BOD1L1: variants seen among roughly 807,000 people sequenced by gnomAD.
BOD1L1 encodes biorientation of chromosomes in cell division 1 like 1, also known as biorientation of chromosomes in cell division protein 1-like 1.
A neutral mutation model predicts 240.7 loss-of-function variants in BOD1L1; 86 were observed. The observed-to-expected ratio is 0.36, with a 90% CI of 0.30 to 0.43. The LOEUF (loss-of-function observed/expected upper bound fraction) is 0.43. BOD1L1 is among the 20% of genes least tolerant of loss of function. The pLI is 1.00. For missense variants in BOD1L1, 3,554 were observed against 3,643.5 expected (o/e 0.98, Z 0.63); for synonymous variants, 1,268 against 1,272.3 (o/e 1.00, Z 0.07).
chr4:13,625,062 T>C (rs1717292163), intron 1 of BOD1L1: 1 of 152,090 alleles, frequency 6.6e-6, no homozygotes, highest in Admixed American at 6.5e-5. Flanking sequence ...GTCTTATTAC[T>C]AGAAGAAGGG....
rs778565327 is a variant in BOD1L1, at chr4:13,603,772, T to C, written c.3128A>G (p.Lys1043Arg). Reference sequence around the variant, plus strand: ...ACTACTGTCAACTTCTTTACCATCCTTGTCATCTGATTTATTTTCGTCCTT... The same window carrying C: ...ACTACTGTCAACTTCTTTACCATCCCTGTCATCTGATTTATTTTCGTCCTT... The part of the protein sequence containing the change: ...KKKDENKSDD[K>R]DGKEVDSSHE... The change falls in exon 10 of 26, where the codon AAG becomes AGG. Residue 1043 changes from lysine to arginine, a missense_variant. Lys to Arg is a conservative substitution (Grantham distance 26). Transcript: ENST00000040738. 6.2e-7 allele frequency: 1 copy of C among 1,613,688 alleles called. No homozygotes were observed. Among genetic ancestry groups the C allele is most frequent in the Admixed American group, 1.7e-5 (1 of 59,950 alleles).
intron 2 of BOD1L1, among the ~76,000 whole-genome samples, chr4:13,618,240 A>G (rs1380134525): frequency 6.6e-6 from 1 of 152,248 alleles, no homozygotes; most frequent in Non-Finnish European, 1.5e-5. Flanking sequence ...GTGTCAATAT[A>G]TGAAGAAAAA....
rs2108951622 is a variant in BOD1L1 at position 13,602,603 on chromosome 4, C to T, written c.4297G>A (p.Gly1433Ser). The T allele has an allele frequency of 6.2e-7, 1 of 1,614,010 alleles. No homozygotes were observed. Among genetic ancestry groups the T allele is most frequent in the Non-Finnish European group, 8.5e-7 (1 of 1,179,898 alleles). Residue 1433 changes from glycine to serine, a missense_variant, in exon 10 of 26, where the codon GGC (glycine) becomes AGC (serine). Around this residue, in one of 2 missense-constraint regions of BOD1L1, gnomAD observed 3,393 missense variants for 3,427.1 expected, o/e 0.99. Transcript: ENST00000040738. ...TCAACAGCAATGCCATCCTTCTTGC[C>T]ATTCTCTACTGTTGCTTTAATTGTC... Reference protein sequence around the residue: ...KQTIKATVENGKKDGIAVDHV... With the variant: ...KQTIKATVENSKKDGIAVDHV...
rs1402846808 is a variant in BOD1L1, at chr4:13,625,594, C to T, written c.243+1751G>A. ...AATGATTCATGGGTTTCTGAGAACA[C>T]ACAGATTCATGGGTTTCTGAGAACA... On this transcript the variant is annotated intron_variant, in intron 1 of 25. Coordinates refer to ENST00000040738, the MANE Select transcript of BOD1L1 (RefSeq NM_148894.3). 2.0e-5 allele frequency: 3 copies of T among 152,108 alleles called. No individual in the cohort carries two copies. The East Asian group carries it at 5.8e-4, about 29-fold the overall frequency. The allele number at this position is 152,108 out of a possible 1,614,324, so 9.4% of individuals were successfully genotyped here.
chr4:13,615,781 A>C (rs1161044345), intron 2 of BOD1L1, among the ~76,000 whole-genome samples: 3 of 152,216 alleles, frequency 2.0e-5, no homozygotes, highest in Non-Finnish European at 4.4e-5. Context: ...AACTAGACAC[A>C]GTACACTGCC....
chr4:13,603,960 T>A lies in BOD1L1; in HGVS notation c.2940A>T (p.Ser980=). The change falls in exon 10 of 26, where the codon TCA becomes TCT. Residue 980 remains serine, a synonymous_variant. Transcript: ENST00000040738. ...VEPVLETASS[S]AHSTQKDSSH... ...TAGAATCCTTCTGTGTACTATGTGC[T>A]GAAGAAGAAGCAGTCTCTAATACAG... is the stretch of plus-strand genomic sequence containing the variant. 1 of 1,613,916 alleles carries A rather than the reference T, an allele frequency of 6.2e-7. No homozygotes were observed. Among genetic ancestry groups the A allele is most frequent in the Non-Finnish European group, 8.5e-7 (1 of 1,179,860 alleles).
At chr4:13,593,474 T>C (rs1300225982) in intron 12 of BOD1L1, 1 of 152,092 alleles carries the variant, frequency 6.6e-6, no homozygotes, top group East Asian at 1.9e-4. Flanking sequence ...AATATAAATA[T>C]AATTTTATTG....
At chr4:13,591,726 G>A (rs1349880435) in intron 13 of BOD1L1, among the ~76,000 whole-genome samples, 197 bp downstream of exon 13, 2 of 152,102 alleles carry the variant, frequency 1.3e-5, no homozygotes, top group African/African-American at 2.4e-5. Context: ...GTGGGTATAG[G>A]TGAACATGGA....
At chr4:13,606,922 G>A (rs1715751402) in intron 9 of BOD1L1, among the ~76,000 whole-genome samples, 195 bp downstream of exon 9, 1 of 151,962 alleles carries the variant, frequency 6.6e-6, no homozygotes, top group Admixed American at 6.6e-5. Context: ...CTAGATAAAC[G>A]ACAAATATAT....
chr4:13,576,112 G>T (rs1459303637), intron 25 of BOD1L1, among the ~76,000 whole-genome samples: 1 of 151,830 alleles, frequency 6.6e-6, no homozygotes, highest in Non-Finnish European at 1.5e-5. Flanking sequence ...ATGTTGACCA[G>T]GATGGTCTCG....
chr4:13,623,831 C>T (rs1461354001), intron 1 of BOD1L1: 1 of 152,146 alleles, frequency 6.6e-6, no homozygotes, highest in Non-Finnish European at 1.5e-5. Flanking sequence ...CTATATGCTA[C>T]AAGTTAAGAC....
intron 17 of BOD1L1, among the ~76,000 whole-genome samples, chr4:13,585,483 G>A (rs1378838950): frequency 6.6e-6 from 1 of 152,074 alleles, no homozygotes; most frequent in Non-Finnish European, 1.5e-5. Context: ...GAGGTATCTA[G>A]TAGGGAATGA....
chr4:13,599,343 G>A lies in BOD1L1; in HGVS notation c.7557C>T (p.Pro2519=), dbSNP rs1234326268. 9 of 1,613,770 alleles carry A rather than the reference G, an allele frequency of 5.6e-6. No individual in the cohort carries two copies. Among genetic ancestry groups the A allele is most frequent in the South Asian group, 3.3e-5 (3 of 91,070 alleles). ...EQTSGQTAKD[P]SVSIRYLAAV... ...CTGCCAAATAGCGAATGCTGACAGA[G>A]GGATCCTTAGCCGTCTGCCCAGACG... Residue 2519 remains proline, a synonymous_variant, in exon 10 of 26, where the codon CCC becomes CCT. Coordinates refer to ENST00000040738, the MANE Select transcript of BOD1L1 (RefSeq NM_148894.3).
Position 13,614,514 on chromosome 4 carries a change from G to C in BOD1L1, c.856C>G (p.Pro286Ala), listed in dbSNP as rs758615292. ...GTGTAATTTTTAATTTCTTCGACTG[G>C]ACAGGGGAGGTCGCTGAACTCTTCA... is the stretch of plus-strand genomic sequence containing the variant. ...KSEEFSDLPC[P>A]VEEIKNYTKE... Residue 286 changes from proline (P) to alanine (A), a missense_variant, in exon 4 of 26, where the codon CCA becomes GCA. By Grantham distance (27) the Pro-to-Ala change is conservative. Around this residue, in one of 2 missense-constraint regions of BOD1L1, gnomAD observed 3,393 missense variants for 3,427.1 expected, o/e 0.99. Transcript: ENST00000040738. The C allele has an allele frequency of 2.5e-6, 4 of 1,613,888 alleles. No homozygotes were observed. Among genetic ancestry groups the C allele is most frequent in the Non-Finnish European group, 2.5e-6 (3 of 1,179,866 alleles).
At position 13,600,648 on chromosome 4, in the gene BOD1L1, C is replaced by T; in HGVS notation, c.6252G>A (p.Gln2084=). 6.2e-7 allele frequency: 1 copy of T among 1,613,880 alleles called. No individual in the cohort carries two copies. Among genetic ancestry groups the T allele is most frequent in the South Asian group, 1.1e-5 (1 of 91,068 alleles). Residue 2084 remains glutamine (Q), a synonymous_variant, in exon 10 of 26, where the codon CAG becomes CAA. Transcript: ENST00000040738. ...CTTCCACATCTGTAATTGCGCTTAC[C>T]TGAGGGGTGTAATCATTTGTGGTAC... The part of the protein sequence containing the change: ...STSTTNDYTP[Q]VSAITDVEGG...
chr4:13,576,542 C>T (rs528303050), intron 25 of BOD1L1, among the ~76,000 whole-genome samples: 5 of 151,886 alleles, frequency 3.3e-5, no homozygotes, highest in East Asian at 1.9e-4. Context: ...GTGCTCAATA[C>T]GACATCTGAA....
chr4:13,600,666 T>G lies in BOD1L1; in HGVS notation c.6234A>C (p.Thr2078=), dbSNP rs746548225. Residue 2078 remains threonine, a synonymous_variant, in exon 10 of 26, where the codon ACA becomes ACC. Coordinates refer to ENST00000040738, the MANE Select transcript of BOD1L1 (RefSeq NM_148894.3). ...GKVLIISTST[T]NDYTPQVSAI... is the part of the protein sequence containing the mutation. ...CGCTTACCTGAGGGGTGTAATCATT[T>G]GTGGTACTGGTGGAAATAATCAAAA... is the stretch of plus-strand genomic sequence containing the variant. The G allele has an allele frequency of 6.2e-7, 1 of 1,614,044 alleles. No homozygotes were observed. Among genetic ancestry groups the G allele is most frequent in the South Asian group, 1.1e-5 (1 of 91,080 alleles).
intron 10 of BOD1L1, among the ~76,000 whole-genome samples, chr4:13,597,611 T>C (rs1714727970): frequency 6.6e-6 from 1 of 152,186 alleles, no homozygotes; most frequent in African/African-American, 2.4e-5. Flanking sequence ...AACTGTGAGG[T>C]AGACAAAAAG....
At chr4:13,573,823 C>T (rs989815242) in intron 25 of BOD1L1, among the ~76,000 whole-genome samples, 18 of 151,890 alleles carry the variant, frequency 1.2e-4, no homozygotes, top group Non-Finnish European at 2.5e-4. Context: ...TGTGCGTGGC[C>T]TCTTTTATAT....
Sources: gnomAD v4.1 joint callset for allele counts (sites outside exome capture counted in the v4.1 genomes callset) on GRCh38, gnomAD v4.1.1 for gene constraint, gnomAD v4.1.1 regional missense constraint, MANE v1.5 for transcripts, NCBI Gene and HGNC (gene_info 2026-07-23, HGNC 2026-07-21) for gene names.